The following SIPA1L3 variants were observed in gnomAD, a reference collection of about 807,000 sequenced individuals.
SIPA1L3 encodes the protein signal induced proliferation associated 1 like 3.
In SIPA1L3, 59 loss-of-function variants were observed where a neutral mutation model predicts 150.1. The observed-to-expected ratio is 0.39, with a 90% CI of 0.32 to 0.49. The LOEUF is 0.49. SIPA1L3 is among the 20% of genes least tolerant of loss of function. The pLI is 0.86. For synonymous variants in SIPA1L3, 1,070 were observed against 1,077.6 expected, an observed-to-expected ratio of 0.99 and a Z score of 0.14; for missense variants, 2,211 against 2,489.5, an observed-to-expected ratio of 0.89 and a Z score of 2.38.
chr19:37,956,740 T>A (rs2046815136), intron 1 of SIPA1L3, among the ~76,000 whole-genome samples: 1 of 152,214 alleles, frequency 6.6e-6, no homozygotes, highest in South Asian at 2.1e-4. Flanking sequence ...CACCTTGGCC[T>A]CCCAAAGTGT....
At chr19:37,924,646 C>T (rs1253466413) in intron 1 of SIPA1L3, among the ~76,000 whole-genome samples, 2 of 149,778 alleles carry the variant, frequency 1.3e-5, no homozygotes, top group African/African-American at 2.5e-5. Context: ...CCACTGCACT[C>T]CAGCCTGGGT....
rs148080650 is a variant in SIPA1L3 at position 38,064,817 on chromosome 19, T to C, written c.-310-16439T>C. Among the ~76,000 whole-genome samples, 30 of 152,356 alleles carry C rather than the reference T, an allele frequency of 2.0e-4. No individual in the cohort carries two copies. The East Asian group carries it at 5.0e-3, about 25-fold the overall frequency. On this transcript the variant is annotated intron_variant, in intron 2 of 21. Transcript: ENST00000222345. ...TTTCCTAAGAGTTAAGCTGTATTAT[T>C]ATCTCCATTTTACAGATGGGAAAAC...
chr19:38,038,979 G>T (rs1968851198), intron 2 of SIPA1L3, among the ~76,000 whole-genome samples: 1 of 152,152 alleles, frequency 6.6e-6, no homozygotes, highest in African/African-American at 2.4e-5. Flanking sequence ...CGCCTCCGAG[G>T]TTCAAGCAAT....
intron 2 of SIPA1L3, among the ~76,000 whole-genome samples, chr19:38,058,279 G>T (rs1168354860): frequency 6.6e-6 from 1 of 152,156 alleles, no homozygotes; most frequent in Non-Finnish European, 1.5e-5. Flanking sequence ...TCCAGCGAGG[G>T]TCATAACTAG....
At chr19:37,928,101 C>T (rs1055321720) in intron 1 of SIPA1L3, among the ~76,000 whole-genome samples, 1 of 152,036 alleles carries the variant, frequency 6.6e-6, no homozygotes, top group South Asian at 2.1e-4. Flanking sequence ...CTGGGTCGAA[C>T]GGTAATTCTA....
chr19:38,140,611 C>T (rs554500985), intron 10 of SIPA1L3, among the ~76,000 whole-genome samples: 103 of 152,050 alleles, frequency 6.8e-4, no homozygotes, highest in African/African-American at 2.4e-3. Flanking sequence ...AAGCGAGGGG[C>T]GGGAACAGAG....
At chr19:38,031,688 C>G (rs542742068) in intron 2 of SIPA1L3, among the ~76,000 whole-genome samples, 3 of 152,306 alleles carry the variant, frequency 2.0e-5, no homozygotes, top group Non-Finnish European at 2.9e-5. Context: ...AGTAAAGTTA[C>G]ACTTTTCCCT....
chr19:38,034,338 T>G (rs1968729980), intron 2 of SIPA1L3, among the ~76,000 whole-genome samples: 1 of 152,154 alleles, frequency 6.6e-6, no homozygotes, highest in Non-Finnish European at 1.5e-5. Context: ...ATGATCTCAT[T>G]CAGTTCTTGT....
chr19:38,027,804 G>A (rs995506679), intron 1 of SIPA1L3, among the ~76,000 whole-genome samples: 2 of 152,008 alleles, frequency 1.3e-5, no homozygotes, highest in African/African-American at 4.8e-5. Flanking sequence ...GGCTTAGTGG[G>A]ACTATAGACC....
chr19:38,088,049 G>A (rs1295600343), intron 3 of SIPA1L3, among the ~76,000 whole-genome samples: 1 of 152,216 alleles, frequency 6.6e-6, no homozygotes, highest in Non-Finnish European at 1.5e-5. Context: ...AGTTACCTAG[G>A]TAAAGAAACA....
rs563748308 is a variant in SIPA1L3 at position 38,000,871 on chromosome 19, A to G, written c.-378-28218A>G. On this transcript the variant is annotated intron_variant, in intron 1 of 21. Transcript: ENST00000222345. ...ATCTTCTTTGTACATTTATGTTCCA[A>G]GTTTTTTATATATATATATATGTTA... is the stretch of plus-strand genomic sequence containing the variant. Among the ~76,000 whole-genome samples, 297 of 137,792 alleles carry G rather than the reference A, an allele frequency of 2.2e-3. 1 individual carries two copies. Among genetic ancestry groups the G allele is most frequent in the African/African-American group, 7.7e-3 (286 of 37,026 alleles). 90.4% of individuals were successfully genotyped at this position (137,792 alleles called of 152,430 possible).
At chr19:38,079,657 G>A (rs370796368) in intron 2 of SIPA1L3, among the ~76,000 whole-genome samples, 1 of 151,768 alleles carries the variant, frequency 6.6e-6, no homozygotes, top group Non-Finnish European at 1.5e-5. Context: ...CCGGGTTCGA[G>A]TGATCCTTTT....
chr19:38,178,086 G>GGTGTGT lies in SIPA1L3; in HGVS notation c.4209-4386_4209-4381dup, dbSNP rs765404105. ...CCTGTGTGTGCTTGTGCAGGCTTTTGGTGTGTGTGTGTGTGTGTGTGTGTG... is the reference window on the plus strand; with the variant it reads ...CCTGTGTGTGCTTGTGCAGGCTTTTGGTGTGTGTGTGTGTGTGTGTGTGTGTGTGTG... On this transcript the variant is annotated intron_variant, in intron 15 of 21. Transcript: ENST00000222345. Among the ~76,000 whole-genome samples, 758 of 130,956 alleles carry GGTGTGT rather than the reference G, an allele frequency of 5.8e-3. 3 individuals carry two copies. Among genetic ancestry groups the GGTGTGT allele is most frequent in the Middle Eastern group, 7.6e-3 (2 of 264 alleles). The allele number at this position is 130,956 out of a possible 152,430, so 85.9% of individuals were successfully genotyped here.
chr19:38,101,072 G>A lies in SIPA1L3; in HGVS notation c.1875G>A (p.Val625=), dbSNP rs1216621313. The change falls in exon 6 of 22, where the codon GTG becomes GTA. Residue 625 remains valine (V), a synonymous_variant. Transcript: ENST00000222345. The part of the protein sequence containing the change: ...DEQGLCRKHK[V]GILYCKAGQS... ...TGCAGCTCTGCCGGAAGCACAAGGT[G>A]GGCATCCTCTATTGCAAGGCCGGCC... 4 of 1,577,272 alleles carry A rather than the reference G, an allele frequency of 2.5e-6. No individual in the cohort carries two copies. The highest frequency in any genetic ancestry group is 1.2e-5 in the South Asian group (1 of 86,108).
At chr19:38,129,562 T>C (rs1334481973) in intron 9 of SIPA1L3, among the ~76,000 whole-genome samples, 4 of 148,562 alleles carry the variant, frequency 2.7e-5, no homozygotes, top group Admixed American at 2.0e-4. Flanking sequence ...GAGGCGGAGG[T>C]TGCAGTGAGC....
intron 2 of SIPA1L3, among the ~76,000 whole-genome samples, chr19:38,043,908 T>C (rs769172333): frequency 1.3e-5 from 2 of 152,032 alleles, no homozygotes; most frequent in African/African-American, 2.4e-5. Flanking sequence ...ATCTGACCCA[T>C]AGATTAATAG....
At chr19:37,965,772 T>C (rs1272103653) in intron 1 of SIPA1L3, among the ~76,000 whole-genome samples, 4 of 150,816 alleles carry the variant, frequency 2.7e-5, no homozygotes, top group Non-Finnish European at 5.9e-5. Flanking sequence ...ATTTTTCTGA[T>C]GTCGGTATCA....
At chr19:38,002,695 G>A (rs1478753842) in intron 1 of SIPA1L3, among the ~76,000 whole-genome samples, 1 of 120,630 alleles carries the variant, frequency 8.3e-6, no homozygotes, top group Non-Finnish European at 1.6e-5. Context: ...CTCCAGCCTG[G>A]TGACAGAGCG....
intron 6 of SIPA1L3, among the ~76,000 whole-genome samples, chr19:38,103,665 C>T (rs8101508): frequency 0.059 from 8,858 of 150,426 alleles, 903 homozygotes; most frequent in African/African-American, 0.2. Flanking sequence ...TGGTTCACGC[C>T]TGTAATCTTA....
Sources: allele counts gnomAD v4.1 joint callset (sites outside exome capture counted in the v4.1 genomes callset), GRCh38; gene constraint gnomAD v4.1.1; transcripts MANE v1.5; gene names NCBI Gene and HGNC (gene_info 2026-07-23, HGNC 2026-07-21).